The following HYDIN variants were observed in gnomAD, a reference collection of about 807,000 sequenced individuals.
The protein encoded by HYDIN is HYDIN axonemal central pair apparatus protein.
In HYDIN, 132 loss-of-function variants were observed where a neutral mutation model predicts 403.9. The observed-to-expected ratio is 0.33, with a 90% CI of 0.28 to 0.38. The LOEUF (loss-of-function observed/expected upper bound fraction) is 0.38, where lower values mean the gene tolerates loss of function less well. Ranked by LOEUF, HYDIN falls within the 10% of genes least tolerant of loss-of-function variation. The probability of loss-of-function intolerance (pLI) is 1.00; values close to 1 mark genes in which losing one functional copy is unlikely to be tolerated. For missense variants in HYDIN, 2,827 were observed against 5,009.5 expected, an observed-to-expected ratio of 0.56 and a Z score of 13.15; for synonymous variants, 1,202 against 1,891.7, an observed-to-expected ratio of 0.64 and a Z score of 9.46.
chr16:70,909,688 CTTTTTTTTTTT>C (rs74464612), intron 47 of HYDIN, among the ~76,000 whole-genome samples: 1 of 64,776 alleles, frequency 1.5e-5, no homozygotes, highest in Non-Finnish European at 2.9e-5. Context: ...TCAGGCATGT[CTTTTTTTTTTT>C]TTTTTTTTTT....
At chr16:70,809,664 C>A in intron 85 of HYDIN, 119 bp downstream of exon 85, 1 of 814,630 alleles carries the variant, frequency 1.2e-6, no homozygotes, top group Non-Finnish European at 2.0e-6. Flanking sequence ...GTCACCATGA[C>A]AACGAAGCAC....
intron 52 of HYDIN, among the ~76,000 whole-genome samples, chr16:70,902,880 A>G (rs1224187651): frequency 7.2e-6 from 1 of 139,636 alleles, no homozygotes; most frequent in African/African-American, 2.8e-5. Context: ...CCAATCACAA[A>G]TATGTTAGTT....
intron 19 of HYDIN, among the ~76,000 whole-genome samples, chr16:71,030,217 ATTT>A (rs2080855084): frequency 1.3e-5 from 2 of 151,826 alleles, no homozygotes; most frequent in Middle Eastern, 6.8e-3. Context: ...TGCGAGGCTA[ATTT>A]TTTTATTTCG....
chr16:71,107,358 G>T (rs966249612), intron 10 of HYDIN, among the ~76,000 whole-genome samples: 1 of 149,200 alleles, frequency 6.7e-6, no homozygotes, highest in Non-Finnish European at 1.5e-5. Context: ...CACAGCAAAA[G>T]AAACTATGGG....
chr16:70,834,576 C>T (rs981003193), intron 78 of HYDIN, among the ~76,000 whole-genome samples: 8 of 152,038 alleles, frequency 5.3e-5, no homozygotes, highest in Non-Finnish European at 1.0e-4. Context: ...GGTTGGGTGC[C>T]GTGGCTCACG....
At chr16:71,165,798 A>G (rs2086198315) in intron 5 of HYDIN, among the ~76,000 whole-genome samples, 1 of 151,050 alleles carries the variant, frequency 6.6e-6, no homozygotes, top group African/African-American at 2.4e-5. Flanking sequence ...CAGAGACATG[A>G]GTGACAAATG....
In HYDIN at chr16:70,902,815, ATATATATTTTT is replaced by A. The variant is rs1265458218; in HGVS notation, c.8849+799_8849+809del. On this transcript the variant is annotated intron_variant, in intron 52 of 85. Coordinates refer to ENST00000393567, the MANE Select transcript of HYDIN (RefSeq NM_001270974.2). The stretch of plus-strand genomic sequence containing the variant: ...TTTAAATATATATATATATATATAT[ATATATATTTTT>A]TTTTTTTTTTTTGTCCCACTCTCTC... Among the ~76,000 whole-genome samples the A allele has an allele frequency of 7.2e-3, 118 of 16,298 alleles. 3 individuals carry two copies. Among genetic ancestry groups the A allele is most frequent in the East Asian group, 0.012 (8 of 656 alleles). 10.7% of individuals were successfully genotyped at this position (16,298 alleles called of 152,430 possible). A position where few individuals can be genotyped will look rare whatever the true frequency, so the allele number is the denominator to read the frequency against.
At position 71,129,704 on chromosome 16, in the gene HYDIN, T is replaced by C; in HGVS notation, c.1163A>G (p.Gln388Arg). The C allele has an allele frequency of 6.2e-7, 1 of 1,614,226 alleles. No individual in the cohort carries two copies. The highest frequency in any genetic ancestry group is 8.5e-7 in the Non-Finnish European group (1 of 1,180,050). The change falls in exon 9 of 86, where the codon CAG (glutamine) becomes CGG (arginine). Residue 388 changes from glutamine to arginine, a missense_variant. Physicochemically the swap from Gln to Arg is conservative, Grantham distance 43. Transcript: ENST00000393567. ...GCTGTCTCCCTGCACCAGCCTCCTC[T>C]GATTCGCAAAGGTTCGGGACAGAAC... ...LSVLSRTFANQRRLVQGDSKL... is the reference protein window; with the variant it reads ...LSVLSRTFANRRRLVQGDSKL...
intron 13 of HYDIN, among the ~76,000 whole-genome samples, chr16:71,075,519 T>G (rs1184864920): frequency 6.6e-6 from 1 of 151,864 alleles, no homozygotes; most frequent in Non-Finnish European, 1.5e-5. Flanking sequence ...ATTCTAGATC[T>G]GATGGAGAAT....
At chr16:71,200,142 G>A (rs182687183) in intron 1 of HYDIN, among the ~76,000 whole-genome samples, 1 of 152,278 alleles carries the variant, frequency 6.6e-6, no homozygotes, top group Non-Finnish European at 1.5e-5. Context: ...GGAAGTTACC[G>A]TATATGGTCT....
At chr16:71,182,882 T>C (rs559315192) in intron 3 of HYDIN, among the ~76,000 whole-genome samples, 2 of 151,684 alleles carry the variant, frequency 1.3e-5, no homozygotes, top group Non-Finnish European at 1.5e-5. Context: ...ATCCAACAAA[T>C]AAAATAAGCA....
intron 21 of HYDIN, among the ~76,000 whole-genome samples, chr16:71,021,925 C>T (rs2080509769): frequency 6.6e-6 from 1 of 152,084 alleles, no homozygotes; most frequent in South Asian, 2.1e-4. Flanking sequence ...GAGCCTCATG[C>T]CTTGGTTGTA....
intron 45 of HYDIN, among the ~76,000 whole-genome samples, chr16:70,925,225 C>T (rs923311822): frequency 1.1e-4 from 17 of 152,176 alleles, no homozygotes; most frequent in Non-Finnish European, 2.2e-4. Flanking sequence ...TGGCTCATGC[C>T]TGTAATCTCA....
chr16:70,974,801 T>C (rs1281440938), intron 31 of HYDIN, 131 bp from the exon 32 acceptor site: 1 of 723,588 alleles, frequency 1.4e-6, no homozygotes, highest in South Asian at 1.9e-5. Flanking sequence ...GAACAACAAA[T>C]GGCTACCCAA....
chr16:70,948,639 T>C (rs1281572479), intron 41 of HYDIN, among the ~76,000 whole-genome samples: 2 of 151,636 alleles, frequency 1.3e-5, no homozygotes, highest in Admixed American at 1.3e-4. Flanking sequence ...CATCAAAAAG[T>C]GGGCAAAGGA....
chr16:71,205,465 G>A (rs1448683690), intron 1 of HYDIN, among the ~76,000 whole-genome samples: 1 of 152,180 alleles, frequency 6.6e-6, no homozygotes, highest in African/African-American at 2.4e-5. Flanking sequence ...CTTATAGAAT[G>A]AGGCAGAGAG....
At chr16:71,225,444 C>T (rs1306353652) in intron 1 of HYDIN, among the ~76,000 whole-genome samples, 1 of 152,218 alleles carries the variant, frequency 6.6e-6, no homozygotes, top group Non-Finnish European at 1.5e-5. Context: ...ATTTTGAGGA[C>T]TGCTGCAGCA....
chr16:71,196,851 T>C (rs912494668), intron 1 of HYDIN, among the ~76,000 whole-genome samples: 5 of 152,188 alleles, frequency 3.3e-5, no homozygotes, highest in African/African-American at 4.8e-5. Flanking sequence ...CATGTCAATG[T>C]CAGGAAGTTA....
chr16:71,209,186 C>T (rs2088454479), intron 1 of HYDIN, among the ~76,000 whole-genome samples: 1 of 150,286 alleles, frequency 6.7e-6, no homozygotes, highest in East Asian at 1.9e-4. Context: ...CATCAAAAAA[C>T]TAATCCACCA....
Sources: gnomAD v4.1 joint callset for allele counts (sites outside exome capture counted in the v4.1 genomes callset) on GRCh38, gnomAD v4.1.1 for gene constraint, MANE v1.5 for transcripts, NCBI Gene and HGNC (gene_info 2026-07-23, HGNC 2026-07-21) for gene names.